VWDE: variants seen among roughly 807,000 people sequenced by gnomAD.
The protein encoded by VWDE is von Willebrand factor D and EGF domains.
A neutral mutation model predicts 178.4 loss-of-function variants in VWDE; 207 were observed. The ratio of observed to expected loss-of-function variants is 1.16; its 90% confidence interval spans 1.04 to 1.30. The LOEUF (loss-of-function observed/expected upper bound fraction) is 1.30, where lower values mean the gene tolerates loss of function less well. Among genes scored for constraint, VWDE ranks in the 50% most tolerant of loss-of-function variants. The probability of loss-of-function intolerance (pLI) is 0.00; values close to 1 mark genes in which losing one functional copy is unlikely to be tolerated. For synonymous variants in VWDE, 738 were observed against 651.4 expected (o/e 1.13, Z -2.02); for missense variants, 2,287 against 1,901.3 (o/e 1.20, Z -3.77).
intron 2 of VWDE, among the ~76,000 whole-genome samples, chr7:12,393,290 A>C (rs1239550351): frequency 1.3e-5 from 2 of 152,210 alleles, no homozygotes; most frequent in Non-Finnish European, 2.9e-5. Context: ...CTGTAAGAGC[A>C]CTATGCCTAA....
At chr7:12,331,459 C>T (rs1780716573) in intron 28 of VWDE, among the ~76,000 whole-genome samples, 2 of 152,070 alleles carry the variant, frequency 1.3e-5, no homozygotes, top group South Asian at 4.1e-4. Flanking sequence ...CATCCATGCC[C>T]AATAAAACTA....
At chr7:12,379,869 C>T (rs892271571) in intron 5 of VWDE, among the ~76,000 whole-genome samples, 2 of 152,030 alleles carry the variant, frequency 1.3e-5, no homozygotes, top group Admixed American at 6.5e-5. Flanking sequence ...CCGAGGCGGG[C>T]GGATCACGAG....
chr7:12,343,494 A>T (rs940974972), intron 21 of VWDE, among the ~76,000 whole-genome samples: 1 of 152,160 alleles, frequency 6.6e-6, no homozygotes, highest in African/African-American at 2.4e-5. Flanking sequence ...CTATAGTTCC[A>T]TAGTTATTTT....
rs145303796 is a variant in VWDE at position 12,400,761 on chromosome 7, A to C, written c.58+2898T>G. On this transcript the variant is annotated intron_variant, in intron 1 of 28. Transcript: ENST00000275358. ...GACAGGAAAGCCAGAAATATATATA[A>C]CAAGAAAAGCTGACTATAAACCAAT... 2.6e-3 allele frequency among the ~76,000 whole-genome samples: 391 copies of C among 152,278 alleles called. 5 individuals are homozygous for C. The highest frequency in any genetic ancestry group is 8.4e-3 in the African/African-American group (351 of 41,570).
At chr7:12,358,388 G>C (rs190964025) in intron 16 of VWDE, among the ~76,000 whole-genome samples, 242 of 138,676 alleles carry the variant, frequency 1.7e-3, no homozygotes, top group Non-Finnish European at 2.9e-3. Context: ...AATAAAAGGT[G>C]GGGGGGGCTA....
At chr7:12,347,259 A>G (rs1160139718) in intron 19 of VWDE, among the ~76,000 whole-genome samples, 1 of 152,128 alleles carries the variant, frequency 6.6e-6, no homozygotes, top group African/African-American at 2.4e-5. Context: ...GAGAGTTTTT[A>G]TTGTCAGAAT....
intron 19 of VWDE, among the ~76,000 whole-genome samples, chr7:12,350,347 T>C (rs1324482563): frequency 1.3e-5 from 2 of 152,040 alleles, no homozygotes; most frequent in East Asian, 1.9e-4. Context: ...TTAAATATTG[T>C]GAGAAAATTA....
At chr7:12,394,980 G>C (rs1225995021) in intron 1 of VWDE, among the ~76,000 whole-genome samples, 2 of 152,022 alleles carry the variant, frequency 1.3e-5, no homozygotes, top group Non-Finnish European at 2.9e-5. Flanking sequence ...CGAAAAATAA[G>C]TCATTATAAT....
At chr7:12,400,046 C>T (rs1595802) in intron 1 of VWDE, among the ~76,000 whole-genome samples, 16,466 of 151,978 alleles carry the variant, frequency 0.11, 1,108 homozygotes, top group Non-Finnish European at 0.14. Context: ...CACAATATAG[C>T]AAAATGTATG....
At chr7:12,346,065 A>G (rs1435233244) in intron 19 of VWDE, among the ~76,000 whole-genome samples, 1 of 152,164 alleles carries the variant, frequency 6.6e-6, no homozygotes, top group African/African-American at 2.4e-5. Flanking sequence ...TTTAGTATCT[A>G]CACATGTCTA....
At chr7:12,355,726 G>A (rs561190249) in intron 18 of VWDE, among the ~76,000 whole-genome samples, 15 of 152,136 alleles carry the variant, frequency 9.9e-5, no homozygotes, top group South Asian at 4.1e-4. Flanking sequence ...CTAAGTCAAC[G>A]AATTATCAGT....
At chr7:12,351,212 G>A (rs1781917057) in intron 19 of VWDE, among the ~76,000 whole-genome samples, 1 of 152,112 alleles carries the variant, frequency 6.6e-6, no homozygotes, top group Admixed American at 6.6e-5. Context: ...TATGACACAG[G>A]AAAGGCCTTG....
chr7:12,361,667 G>GAAAACA, intron 13 of VWDE, 146 bp from the exon 14 acceptor site: 1 of 710,932 alleles, frequency 1.4e-6, no homozygotes. Context: ...CACATTGGGA[G>GAAAACA]TGAGTTTTAT....
chr7:12,347,970 G>T (rs1330512728), intron 19 of VWDE, among the ~76,000 whole-genome samples: 1 of 152,134 alleles, frequency 6.6e-6, no homozygotes, highest in Non-Finnish European at 1.5e-5. Flanking sequence ...ACAAGCAATG[G>T]GGAAAGGATT....
intron 9 of VWDE, among the ~76,000 whole-genome samples, chr7:12,373,588 T>C (rs926373376): frequency 3.9e-5 from 6 of 152,112 alleles, no homozygotes; most frequent in East Asian, 1.9e-4. Flanking sequence ...CAACCCCTCT[T>C]TTCAGCCTTC....
intron 3 of VWDE, chr7:12,388,895 A>T (rs1476036023): frequency 1.5e-6 from 1 of 683,006 alleles, no homozygotes; most frequent in African/African-American, 1.8e-5. Flanking sequence ...CAGTGGAAAA[A>T]TGTGAGATGT....
chr7:12,386,665 T>C (rs1262605726), intron 3 of VWDE, among the ~76,000 whole-genome samples: 1 of 152,206 alleles, frequency 6.6e-6, no homozygotes, highest in African/African-American at 2.4e-5. Context: ...CAAGGACAGT[T>C]TAACCTCCAG....
chr7:12,403,642 C>G lies in VWDE; in HGVS notation c.58+17G>C, dbSNP rs1391372456. 1 of 1,536,452 alleles carries G rather than the reference C, an allele frequency of 6.5e-7. No homozygotes were observed. Among genetic ancestry groups the G allele is most frequent in the African/African-American group, 1.4e-5 (1 of 72,922 alleles). On this transcript the variant is annotated intron_variant, in intron 1 of 28. Coordinates refer to ENST00000275358, the MANE Select transcript of VWDE (RefSeq NM_001135924.3). ...GCGCCACTGCGCGCCCACCCCCGCG[C>G]GCCCTACCTCGCTTACCTTCCCCCC...
intron 13 of VWDE, among the ~76,000 whole-genome samples, chr7:12,363,436 C>T (rs1391789970): frequency 6.6e-6 from 1 of 152,016 alleles, no homozygotes; most frequent in African/African-American, 2.4e-5. Context: ...TATAAATCAG[C>T]AACCTTAAAA....
Sources: allele counts gnomAD v4.1 joint callset (sites outside exome capture counted in the v4.1 genomes callset), GRCh38; gene constraint gnomAD v4.1.1; transcripts MANE v1.5; gene names NCBI Gene and HGNC (gene_info 2026-07-23, HGNC 2026-07-21).